KBTBD12: variants seen among roughly 807,000 people sequenced by gnomAD.
The protein encoded by KBTBD12 is kelch repeat and BTB domain-containing protein 12.
In KBTBD12, 53 loss-of-function variants were observed where a neutral mutation model predicts 58.7. The observed-to-expected ratio is 0.90, with a 90% CI of 0.72 to 1.14. The LOEUF (loss-of-function observed/expected upper bound fraction) is 1.14, where lower values mean the gene tolerates loss of function less well. Ranked by LOEUF, KBTBD12 falls within the 50% of genes most tolerant of loss-of-function variation. The pLI is 0.00. For synonymous variants in KBTBD12, 236 were observed against 259.8 expected (o/e 0.91, Z 0.88); for missense variants, 704 against 751.3 (o/e 0.94, Z 0.74).
At chr3:127,943,079 T>G (rs938199258) in intron 4 of KBTBD12, among the ~76,000 whole-genome samples, 1 of 152,210 alleles carries the variant, frequency 6.6e-6, no homozygotes, top group African/African-American at 2.4e-5. Context: ...ACCTCCCACT[T>G]GACCCCACCT....
intron 5 of KBTBD12, among the ~76,000 whole-genome samples, chr3:127,964,406 G>A (rs6789615): frequency 0.33 from 50,201 of 151,310 alleles, 8,386 homozygotes; most frequent in Non-Finnish European, 0.35. Context: ...GGCCGAGGCA[G>A]GCAGATCACA....
At chr3:127,943,854 C>CT (rs34772728) in intron 4 of KBTBD12, among the ~76,000 whole-genome samples, 1 of 151,974 alleles carries the variant, frequency 6.6e-6, no homozygotes, top group African/African-American at 2.4e-5. Context: ...TTTTGAGTTG[C>CT]TTTTTGTGTA....
At chr3:127,983,378 C>G (rs1940905214) in intron 5 of KBTBD12, among the ~76,000 whole-genome samples, 1 of 152,156 alleles carries the variant, frequency 6.6e-6, no homozygotes, top group Non-Finnish European at 1.5e-5. Flanking sequence ...ATGGATCCCT[C>G]ATGAATAGAT....
intron 5 of KBTBD12, among the ~76,000 whole-genome samples, chr3:127,975,332 G>A (rs6808858): frequency 2.0e-5 from 3 of 152,188 alleles, no homozygotes; most frequent in African/African-American, 4.8e-5. Context: ...AGTAGCAGAC[G>A]GATGTAGTCA....
In KBTBD12 at chr3:127,926,495, A is replaced by G. The variant is rs1939569991; in HGVS notation, c.1071-1269A>G. On this transcript the variant is annotated intron_variant, in intron 2 of 5. Coordinates refer to ENST00000405109, the MANE Select transcript of KBTBD12 (RefSeq NM_207335.4). ...ACTTTGGTTCTCTGCCTAGAATTAC[A>G]TAGAAGACAGCCATCATAAGGCGTG... 2.0e-5 allele frequency among the ~76,000 whole-genome samples: 3 copies of G among 152,346 alleles called. No individual in the cohort carries two copies. The South Asian group carries it at 6.2e-4, about 32-fold the overall frequency.
chr3:127,943,441 T>C (rs1381026285), intron 4 of KBTBD12, among the ~76,000 whole-genome samples: 1 of 152,202 alleles, frequency 6.6e-6, no homozygotes, highest in Non-Finnish European at 1.5e-5. Flanking sequence ...GAGTGCTTTT[T>C]TCATATACCT....
At chr3:127,945,280 G>A (rs1425919331) in intron 4 of KBTBD12, among the ~76,000 whole-genome samples, 1 of 135,456 alleles carries the variant, frequency 7.4e-6, no homozygotes, top group Non-Finnish European at 1.5e-5. Flanking sequence ...CGCCTCCCAG[G>A]TTCACGCCAT....
intron 5 of KBTBD12, among the ~76,000 whole-genome samples, chr3:127,976,760 T>C (rs1940790546): frequency 2.0e-5 from 3 of 152,256 alleles, no homozygotes; most frequent in African/African-American, 7.2e-5. Flanking sequence ...GTAGAGGCTG[T>C]CCTTATTCAT....
At chr3:127,975,882 A>G (rs1940775445) in intron 5 of KBTBD12, among the ~76,000 whole-genome samples, 1 of 152,220 alleles carries the variant, frequency 6.6e-6, no homozygotes, top group Non-Finnish European at 1.5e-5. Context: ...TACAGCGACC[A>G]TGAGGGAATA....
In KBTBD12 at chr3:127,923,471, AT is replaced by A; in HGVS notation, c.412del (p.Tyr138IlefsTer26). 11 of 1,611,078 alleles carry A rather than the reference AT, an allele frequency of 6.8e-6. No individual in the cohort carries two copies. Among genetic ancestry groups the A allele is most frequent in the Non-Finnish European group, 9.3e-6 (11 of 1,179,286 alleles). On this transcript the variant is annotated frameshift_variant, in exon 2 of 6. Transcript: ENST00000405109. LOFTEE classifies it high-confidence loss of function. The stretch of plus-strand genomic sequence containing the variant: ...GATGCCTCCAACTGTTTAGGTATCT[AT>A]TATTTTGCAAAGCAGATTGGAGCTG... The part of the protein sequence containing the change: ...HMDASNCLGI[Y>X]YFAKQIGAED...
intron 5 of KBTBD12, among the ~76,000 whole-genome samples, chr3:127,983,195 C>CT (rs1940902818): frequency 6.6e-6 from 1 of 152,232 alleles, no homozygotes; most frequent in African/African-American, 2.4e-5. Context: ...TTCTTCGTTT[C>CT]TTAGAAATCA....
Position 127,927,862 on chromosome 3 carries a change from T to C in KBTBD12, c.1169T>C (p.Ile390Thr). The C allele has an allele frequency of 6.2e-7, 1 of 1,612,962 alleles. No individual in the cohort carries two copies. Among genetic ancestry groups the C allele is most frequent in the Non-Finnish European group, 8.5e-7 (1 of 1,179,112 alleles). The change falls in exon 3 of 6, where the codon ATA becomes ACA. Residue 390 changes from isoleucine to threonine, a missense_variant. Coordinates refer to ENST00000405109, the MANE Select transcript of KBTBD12 (RefSeq NM_207335.4). ...AGTATTCATAATGACCTTTATGTTA[T>C]AGGAGGACAGATGAAAATTAAAAAC... is the stretch of plus-strand genomic sequence containing the variant. Reference protein sequence around the residue: ...LGSIHNDLYVIGGQMKIKNQY... With the variant: ...LGSIHNDLYVTGGQMKIKNQY...
Position 127,923,558 on chromosome 3 carries a change from A to G in KBTBD12, c.497A>G (p.His166Arg), listed in dbSNP as rs1035641619. ...LYQHFAEVSL[H>R]EEILEIEVHQ... ...CAGCACTTTGCCGAGGTGAGCTTACATGAAGAAATACTAGAAATCGAAGTG... is the reference window on the plus strand; with the variant it reads ...CAGCACTTTGCCGAGGTGAGCTTACGTGAAGAAATACTAGAAATCGAAGTG... The change falls in exon 2 of 6, where the codon CAT (histidine) becomes CGT (arginine). Residue 166 changes from histidine (H) to arginine (R), a missense_variant. By Grantham distance (29) the His-to-Arg change is conservative. Transcript: ENST00000405109. The G allele has an allele frequency of 4.3e-6, 7 of 1,613,170 alleles. No individual in the cohort carries two copies. In the African/African-American group the frequency reaches 8.0e-5, roughly 18 times the overall value.
chr3:127,930,077 A>T, intron 3 of KBTBD12, 56 bp from the exon 4 acceptor site: 1 of 1,459,602 alleles, frequency 6.9e-7, no homozygotes, highest in South Asian at 1.2e-5. Context: ...GCATTCATGT[A>T]CTCACAAAGA....
intron 4 of KBTBD12, among the ~76,000 whole-genome samples, chr3:127,952,421 T>C (rs1307217794): frequency 1.3e-5 from 2 of 152,204 alleles, no homozygotes; most frequent in East Asian, 3.9e-4. Flanking sequence ...TTCATGGGTT[T>C]TTTTCCTCTC....
intron 4 of KBTBD12, among the ~76,000 whole-genome samples, chr3:127,936,150 G>T (rs1335667144): frequency 6.6e-6 from 1 of 152,168 alleles, no homozygotes; most frequent in Non-Finnish European, 1.5e-5. Flanking sequence ...CGGATCACTT[G>T]AGGTCAGAAG....
intron 5 of KBTBD12, among the ~76,000 whole-genome samples, chr3:127,973,603 G>T: frequency 6.6e-6 from 1 of 151,806 alleles, no homozygotes; most frequent in Admixed American, 6.6e-5. Flanking sequence ...TAGGAGTGAA[G>T]TATTATGCCT....
intron 4 of KBTBD12, among the ~76,000 whole-genome samples, chr3:127,934,473 GT>G (rs1202591270): frequency 6.6e-6 from 1 of 152,066 alleles, no homozygotes; most frequent in Non-Finnish European, 1.5e-5. Context: ...ATGAACAGAT[GT>G]TTAATGGGAA....
intron 4 of KBTBD12, among the ~76,000 whole-genome samples, chr3:127,959,715 T>C (rs1940393125): frequency 6.6e-6 from 1 of 152,230 alleles, no homozygotes; most frequent in South Asian, 2.1e-4. Flanking sequence ...ATACAACAAA[T>C]GGGAGTTCCT....
Sources: gnomAD v4.1 joint callset for allele counts (sites outside exome capture counted in the v4.1 genomes callset) on GRCh38, gnomAD v4.1.1 for gene constraint, MANE v1.5 for transcripts, NCBI Gene and HGNC (gene_info 2026-07-23, HGNC 2026-07-21) for gene names.